The following CELF4 variants were observed in gnomAD, a reference collection of about 807,000 sequenced individuals.
The protein encoded by CELF4 is CUGBP Elav-like family member 4.
In CELF4, 18 loss-of-function variants were observed where a neutral mutation model predicts 59.9. The ratio of observed to expected loss-of-function variants is 0.30; its 90% CI spans 0.21 to 0.45. The LOEUF is 0.45. Among genes scored for constraint, CELF4 ranks in the 20% least tolerant of loss-of-function variants. The probability of loss-of-function intolerance (pLI) is 1.00; values close to 1 mark genes in which losing one functional copy is unlikely to be tolerated. For missense variants in CELF4, 456 were observed against 689.0 expected (o/e 0.66, Z 3.79); for synonymous variants, 261 against 267.1 (o/e 0.98, Z 0.22).
intron 2 of CELF4, among the ~76,000 whole-genome samples, chr18:37,382,361 T>C (rs989770009): frequency 2.0e-5 from 3 of 152,162 alleles, no homozygotes; most frequent in African/African-American, 4.8e-5. Flanking sequence ...TTTCAGAGAA[T>C]GGGAAACACA....
At chr18:37,281,813 G>A (rs72900344) in intron 3 of CELF4, among the ~76,000 whole-genome samples, 38 of 152,202 alleles carry the variant, frequency 2.5e-4, no homozygotes, top group African/African-American at 8.2e-4. Context: ...CCCCCCCAGG[G>A]TGCCTCCTGG....
chr18:37,321,361 C>T (rs1057237191), intron 3 of CELF4, among the ~76,000 whole-genome samples: 1 of 152,170 alleles, frequency 6.6e-6, no homozygotes, highest in Non-Finnish European at 1.5e-5. Flanking sequence ...CAGTGCTGGC[C>T]TTGAGTGCCC....
intron 2 of CELF4, among the ~76,000 whole-genome samples, chr18:37,413,641 T>G (rs1271846237): frequency 6.6e-6 from 1 of 152,226 alleles, no homozygotes; most frequent in Non-Finnish European, 1.5e-5. Context: ...CTCAGTCAAC[T>G]GAAGCTGGTT....
At chr18:37,392,734 A>G (rs2099177416) in intron 2 of CELF4, among the ~76,000 whole-genome samples, 1 of 152,222 alleles carries the variant, frequency 6.6e-6, no homozygotes, top group Non-Finnish European at 1.5e-5. Flanking sequence ...TGTTTGTTGT[A>G]GAAAGAAACT....
intron 2 of CELF4, among the ~76,000 whole-genome samples, chr18:37,373,044 C>T (rs1418190455): frequency 2.6e-5 from 4 of 152,340 alleles, no homozygotes; most frequent in African/African-American, 7.2e-5. Flanking sequence ...CATCTCACAA[C>T]AAGCCAGGAA....
chr18:37,363,798 C>T (rs992471876), intron 2 of CELF4, among the ~76,000 whole-genome samples: 7 of 152,180 alleles, frequency 4.6e-5, no homozygotes, highest in Non-Finnish European at 7.3e-5. Flanking sequence ...CCTTTATGCA[C>T]GTGCCCCTCC....
chr18:37,403,124 C>T (rs911974907), intron 2 of CELF4, among the ~76,000 whole-genome samples: 4 of 148,598 alleles, frequency 2.7e-5, no homozygotes, highest in African/African-American at 7.5e-5. Context: ...AGAGATGGGG[C>T]GAGGAGGGGA....
intron 1 of CELF4, among the ~76,000 whole-genome samples, chr18:37,495,491 C>T (rs2099924155): frequency 6.6e-6 from 1 of 152,186 alleles, no homozygotes; most frequent in Non-Finnish European, 1.5e-5. Context: ...CCTGGCCTGA[C>T]ACCCTGACCT....
At chr18:37,276,846 AT>A (rs1421436468) in intron 3 of CELF4, among the ~76,000 whole-genome samples, 1 of 152,234 alleles carries the variant, frequency 6.6e-6, no homozygotes, top group African/African-American at 2.4e-5. Context: ...TTTGTGGATG[AT>A]TACATGATTG....
chr18:37,490,315 T>A (rs1184077524), intron 1 of CELF4, among the ~76,000 whole-genome samples: 1 of 152,190 alleles, frequency 6.6e-6, no homozygotes, highest in Non-Finnish European at 1.5e-5. Context: ...TTCACTTTTT[T>A]TGTTTTGTTT....
At chr18:37,506,452 G>A (rs2099938112) in intron 1 of CELF4, among the ~76,000 whole-genome samples, 1 of 152,162 alleles carries the variant, frequency 6.6e-6, no homozygotes, top group Non-Finnish European at 1.5e-5. Flanking sequence ...AGAGGGGGCT[G>A]GCTTGTGCTG....
chr18:37,321,113 C>T (rs2097101688), intron 3 of CELF4, among the ~76,000 whole-genome samples: 1 of 152,180 alleles, frequency 6.6e-6, no homozygotes, highest in African/African-American at 2.4e-5. Context: ...CACACAGGCA[C>T]TGTGCCAAGA....
At chr18:37,473,832 A>C (rs911824725) in intron 2 of CELF4, 2 of 152,272 alleles carry the variant, frequency 1.3e-5, no homozygotes, top group African/African-American at 2.4e-5. Context: ...TTCACTGAAG[A>C]AGCACAGATT....
intron 8 of CELF4, among the ~76,000 whole-genome samples, chr18:37,268,294 G>T (rs546586533): frequency 6.6e-6 from 1 of 152,224 alleles, no homozygotes; most frequent in African/African-American, 2.4e-5. Context: ...TGGCGCTGAG[G>T]GCTCCTCAGT....
At chr18:37,316,003 C>G (rs1189515922) in intron 3 of CELF4, among the ~76,000 whole-genome samples, 1 of 152,170 alleles carries the variant, frequency 6.6e-6, no homozygotes, top group Non-Finnish European at 1.5e-5. Context: ...GGGGAACTGT[C>G]CTGTCACCTG....
At chr18:37,343,010 G>A (rs1378396421) in intron 2 of CELF4, among the ~76,000 whole-genome samples, 1 of 152,182 alleles carries the variant, frequency 6.6e-6, no homozygotes, top group Non-Finnish European at 1.5e-5. Context: ...AGGAGATCCT[G>A]GAAATGAAAC....
intron 2 of CELF4, among the ~76,000 whole-genome samples, chr18:37,328,783 C>T (rs767767268): frequency 3.9e-5 from 6 of 152,126 alleles, no homozygotes; most frequent in African/African-American, 4.8e-5. Context: ...CCAGCACACA[C>T]GATGGTCATG....
chr18:37,408,832 G>A (rs753885177), intron 2 of CELF4, among the ~76,000 whole-genome samples: 4 of 152,114 alleles, frequency 2.6e-5, no homozygotes, highest in Admixed American at 6.5e-5. Context: ...CGCCTGCTCC[G>A]TGGTGTGTGG....
intron 2 of CELF4, among the ~76,000 whole-genome samples, chr18:37,331,828 G>A (rs1348177482): frequency 2.6e-5 from 4 of 152,092 alleles, no homozygotes; most frequent in South Asian, 2.1e-4. Context: ...AAGGGTGTGC[G>A]GCAAGTCGCC....
Sources: allele counts gnomAD v4.1 joint callset (sites outside exome capture counted in the v4.1 genomes callset), GRCh38; gene constraint gnomAD v4.1.1; transcripts MANE v1.5; gene names NCBI Gene and HGNC (gene_info 2026-07-23, HGNC 2026-07-21).